Variants in ZNF573 observed in about 807,000 individuals in gnomAD.
ZNF573 encodes zinc finger protein 573.
In ZNF573, 41 loss-of-function variants were observed where a neutral mutation model predicts 57.4. The observed-to-expected ratio is 0.71, with a 90% CI of 0.56 to 0.93. ZNF573 has a LOEUF of 0.93. Ranked by LOEUF, ZNF573 falls within the 40% of genes least tolerant of loss-of-function variation. The pLI is 0.00. For missense variants in ZNF573, 730 were observed against 794.8 expected, an observed-to-expected ratio of 0.92 and a Z score of 0.98; for synonymous variants, 249 against 261.0, an observed-to-expected ratio of 0.95 and a Z score of 0.44.
chr19:37,740,887 T>G (rs2045320978), intron 4 of ZNF573, among the ~76,000 whole-genome samples: 1 of 152,224 alleles, frequency 6.6e-6, no homozygotes, highest in African/African-American at 2.4e-5. Flanking sequence ...TCTGGATTAC[T>G]TACAATACCC....
chr19:37,767,517 G>T (rs979243636), intron 4 of ZNF573, among the ~76,000 whole-genome samples: 5 of 152,152 alleles, frequency 3.3e-5, no homozygotes, highest in African/African-American at 1.2e-4. Flanking sequence ...ACAGGCGTGA[G>T]CCACCATGCC....
intron 1 of ZNF573, among the ~76,000 whole-genome samples, chr19:37,774,907 T>G (rs997927745): frequency 3.3e-5 from 5 of 152,140 alleles, no homozygotes; most frequent in African/African-American, 1.2e-4. Flanking sequence ...AAAAAATACA[T>G]GTGTACACAC....
chr19:37,744,268 T>C (rs73932954), intron 4 of ZNF573, among the ~76,000 whole-genome samples: 37 of 152,160 alleles, frequency 2.4e-4, no homozygotes, highest in African/African-American at 8.7e-4. Flanking sequence ...AAAAGGAGGC[T>C]GGCTTGGAGT....
At chr19:37,777,800 C>A (rs2045723642) in intron 1 of ZNF573, among the ~76,000 whole-genome samples, 1 of 149,206 alleles carries the variant, frequency 6.7e-6, no homozygotes, top group East Asian at 2.0e-4. Flanking sequence ...CTTTGGGAGG[C>A]CGAGGCGGGC....
chr19:37,776,195 G>A (rs1009879960), intron 1 of ZNF573, among the ~76,000 whole-genome samples: 3 of 152,106 alleles, frequency 2.0e-5, no homozygotes, highest in East Asian at 1.9e-4. Context: ...TAAGCAAAAA[G>A]AACAAATCTG....
At position 37,739,522 on chromosome 19, in the gene ZNF573, ACT is replaced by A. The variant is rs755935432; in HGVS notation, c.966_967del (p.Arg322SerfsTer5). The A allele has an allele frequency of 6.2e-7, 1 of 1,612,680 alleles. No individual in the cohort carries two copies. Among genetic ancestry groups the A allele is most frequent in the African/African-American group, 1.3e-5 (1 of 74,828 alleles). On this transcript the variant is annotated frameshift_variant, in exon 5 of 5. Transcript: ENST00000536220. LOFTEE classifies it high-confidence loss of function. Reference sequence around the variant, plus strand: ...CTCATATGGCTTTTTACCAGTGTGAACTCTCTGATGTACAGTAAGCTGGTGAC... The same window carrying A: ...CTCATATGGCTTTTTACCAGTGTGAACTCTGATGTACAGTAAGCTGGTGAC...
chr19:37,768,129 G>A (rs932971362), intron 4 of ZNF573, among the ~76,000 whole-genome samples: 6 of 151,980 alleles, frequency 3.9e-5, no homozygotes, highest in Non-Finnish European at 8.8e-5. Context: ...CTCCTGACAC[G>A]GCTGTGGTGA....
intron 3 of ZNF573, 26 bp from the exon 4 acceptor site, chr19:37,770,123 G>C: frequency 6.7e-7 from 1 of 1,494,994 alleles, no homozygotes; most frequent in Non-Finnish European, 9.0e-7. Flanking sequence ...ATGCCACATG[G>C]TATAAAAATA....
At chr19:37,778,153 T>G (rs973349138) in intron 1 of ZNF573, among the ~76,000 whole-genome samples, 4 of 151,642 alleles carry the variant, frequency 2.6e-5, no homozygotes, top group African/African-American at 9.7e-5. Context: ...AAATGTGTCT[T>G]AAAGTCTCAT....
At chr19:37,766,408 C>G (rs1568422814) in intron 4 of ZNF573, among the ~76,000 whole-genome samples, 2 of 152,200 alleles carry the variant, frequency 1.3e-5, no homozygotes, top group Non-Finnish European at 2.9e-5. Context: ...TTTTACTGTT[C>G]TGGAAGTTTC....
At chr19:37,750,329 C>A (rs999956349) in intron 4 of ZNF573, among the ~76,000 whole-genome samples, 2 of 152,152 alleles carry the variant, frequency 1.3e-5, no homozygotes, top group African/African-American at 4.8e-5. Context: ...AGTGATCTGC[C>A]GGCCTAGGCC....
chr19:37,779,020 G>A (rs183443899), intron 1 of ZNF573, among the ~76,000 whole-genome samples: 111 of 152,272 alleles, frequency 7.3e-4, no homozygotes, highest in Non-Finnish European at 1.1e-3. Flanking sequence ...GTAGAGTTCA[G>A]TATCCAACTT....
chr19:37,760,779 G>A (rs867685769), intron 4 of ZNF573, among the ~76,000 whole-genome samples: 15 of 150,788 alleles, frequency 9.9e-5, no homozygotes, highest in Middle Eastern at 3.4e-3. Flanking sequence ...CTGAGATCGC[G>A]CCATTGCACT....
At chr19:37,760,140 A>G (rs1488349884) in intron 4 of ZNF573, among the ~76,000 whole-genome samples, 1 of 152,212 alleles carries the variant, frequency 6.6e-6, no homozygotes, top group African/African-American at 2.4e-5. Flanking sequence ...TGCCAGTTCA[A>G]TGAGTTAAGA....
intron 4 of ZNF573, among the ~76,000 whole-genome samples, chr19:37,757,231 C>G (rs1368751927): frequency 1.3e-5 from 2 of 152,052 alleles, no homozygotes; most frequent in Non-Finnish European, 2.9e-5. Flanking sequence ...GAGTCTCACT[C>G]TGTCGCCCAG....
intron 4 of ZNF573, among the ~76,000 whole-genome samples, chr19:37,745,871 C>G (rs1415630663): frequency 6.6e-6 from 1 of 152,106 alleles, no homozygotes; most frequent in Non-Finnish European, 1.5e-5. Context: ...GTCTGATTAA[C>G]CAAAGACAAT....
intron 1 of ZNF573, among the ~76,000 whole-genome samples, chr19:37,778,940 A>C (rs1194885157): frequency 6.6e-6 from 1 of 152,172 alleles, no homozygotes; most frequent in Non-Finnish European, 1.5e-5. Flanking sequence ...CTCAGAGCTC[A>C]CAAAGAAATA....
Position 37,764,496 on chromosome 19 carries a change from C to G in ZNF573, c.295+5509G>C, listed in dbSNP as rs545411550. ...CCACCACGCCCAGCTAATTTTTGTA[C>G]TTTTAATAGAGACGGGGTTTCACCA... is the stretch of plus-strand genomic sequence containing the variant. On this transcript the variant is annotated intron_variant, in intron 4 of 4. Coordinates refer to ENST00000536220, the MANE Select transcript of ZNF573 (RefSeq NM_001172690.2). Among the ~76,000 whole-genome samples, 13 of 150,560 alleles carry G rather than the reference C, an allele frequency of 8.6e-5. No homozygotes were observed. The South Asian group carries it at 2.7e-3, about 32-fold the overall frequency.
Position 37,769,358 on chromosome 19 carries a change from T to C in ZNF573, c.295+647A>G, listed in dbSNP as rs114400668. Among the ~76,000 whole-genome samples, 515 of 152,184 alleles carry C rather than the reference T, an allele frequency of 3.4e-3. 1 individual carries two copies. Among genetic ancestry groups the C allele is most frequent in the African/African-American group, 0.012 (486 of 41,526 alleles). On this transcript the variant is annotated intron_variant, in intron 4 of 4. Transcript: ENST00000536220. ...GTCTTCCTCATGATCACTACATTGA[T>C]ATGTGTGTTGTGTGTGTGTGCAAAA...
Sources: allele counts gnomAD v4.1 joint callset (sites outside exome capture counted in the v4.1 genomes callset), GRCh38; gene constraint gnomAD v4.1.1; transcripts MANE v1.5; gene names NCBI Gene and HGNC (gene_info 2026-07-23, HGNC 2026-07-21).